Variants in TANGO2 observed in about 807,000 individuals in gnomAD.
TANGO2 encodes transport and Golgi organization protein 2 homolog.
TANGO2 carries 26 observed loss-of-function variants against 39.1 expected under a neutral mutation model. That is an observed-to-expected ratio of 0.67 (90% CI 0.49 to 0.92). TANGO2 has a LOEUF of 0.92. TANGO2 is among the 40% of genes least tolerant of loss of function. The pLI is 0.00. For synonymous variants in TANGO2, 131 were observed against 144.5 expected, an observed-to-expected ratio of 0.91 and a Z score of 0.67; for missense variants, 326 against 360.1, an observed-to-expected ratio of 0.91 and a Z score of 0.77.
At chr22:20,037,165 G>T in intron 2 of TANGO2, 2 of 1,467,024 alleles carry the variant, frequency 1.4e-6, no homozygotes, top group South Asian at 1.4e-5. Context: ...TCGGGCGGCA[G>T]AACTGGGACA....
chr22:20,029,220 C>G (rs1260183255), intron 1 of TANGO2, among the ~76,000 whole-genome samples: 1 of 152,186 alleles, frequency 6.6e-6, no homozygotes, highest in Non-Finnish European at 1.5e-5. Context: ...GTTGGTTTCT[C>G]TGAGAAGCCA....
At chr22:20,052,089 G>T (rs977123421) in intron 3 of TANGO2, among the ~76,000 whole-genome samples, 4 of 152,228 alleles carry the variant, frequency 2.6e-5, no homozygotes, top group Non-Finnish European at 5.9e-5. Context: ...GGTGCATCCT[G>T]CTGGGTGAGG....
Position 20,032,258 on chromosome 22 carries a change from A to G in TANGO2, c.-39-4502A>G, listed in dbSNP as rs564354050. 6.6e-5 allele frequency among the ~76,000 whole-genome samples: 10 copies of G among 152,374 alleles called. 1 individual carries two copies. In the South Asian group the frequency reaches 2.1e-3, roughly 32 times the overall value. On this transcript the variant is annotated intron_variant, in intron 1 of 8. Transcript: ENST00000327374. ...GCCAGTTGACAGAATGGAGAGGGGTAAGCATTTTCCGCCTGGAGAGGATGG... is the reference window on the plus strand; with the variant it reads ...GCCAGTTGACAGAATGGAGAGGGGTGAGCATTTTCCGCCTGGAGAGGATGG...
intron 1 of TANGO2, among the ~76,000 whole-genome samples, chr22:20,027,162 C>T (rs943385614): frequency 6.6e-6 from 1 of 152,110 alleles, no homozygotes; most frequent in Non-Finnish European, 1.5e-5. Flanking sequence ...AGGTGCCACA[C>T]ACTTAAAACC....
intron 6 of TANGO2, chr22:20,058,418 A>T (rs1053989034): frequency 1.3e-5 from 2 of 152,226 alleles, no homozygotes; most frequent in African/African-American, 4.8e-5. Context: ...CAAGGCGGGC[A>T]GATCACGAGG....
chr22:20,043,533 C>T, intron 3 of TANGO2, 90 bp downstream of exon 3: 1 of 891,902 alleles, frequency 1.1e-6, no homozygotes, highest in South Asian at 1.6e-5. Flanking sequence ...AGTGGTGCTG[C>T]TTCCAAGTGT....
chr22:20,063,449 C>CA lies in TANGO2; in HGVS notation c.710+8dup, dbSNP rs1470620391. The CA allele has an allele frequency of 2.1e-5, 33 of 1,609,714 alleles. 1 individual carries two copies. Among genetic ancestry groups the CA allele is most frequent in the African/African-American group, 2.7e-5 (2 of 74,866 alleles). On this transcript the variant is annotated splice_region_variant and intron_variant, in intron 8 of 8. Coordinates refer to ENST00000327374, the MANE Select transcript of TANGO2 (RefSeq NM_152906.7). The stretch of plus-strand genomic sequence containing the variant: ...GCCCTGGCTACGGCACCAGGTATTG[C>CA]AGCACCGTGGGTGCGCCACCTCCTA...
At chr22:20,063,825 GTC>G (rs1449217011) in intron 8 of TANGO2, among the ~76,000 whole-genome samples, 2 of 152,250 alleles carry the variant, frequency 1.3e-5, no homozygotes, top group Non-Finnish European at 2.9e-5. Context: ...GGTGCAGGGT[GTC>G]ATTTCCTTCA....
intron 2 of TANGO2, among the ~76,000 whole-genome samples, chr22:20,041,383 G>C (rs1452067362): frequency 6.7e-6 from 1 of 149,644 alleles, no homozygotes; most frequent in African/African-American, 2.5e-5. Context: ...CATGATCTCG[G>C]CTCACTGCAA....
chr22:20,024,140 C>T (rs2040273787), intron 1 of TANGO2, among the ~76,000 whole-genome samples: 1 of 152,158 alleles, frequency 6.6e-6, no homozygotes, highest in Non-Finnish European at 1.5e-5. Flanking sequence ...TGAGAGAGGT[C>T]ACCCTCTCCA....
At chr22:20,055,811 G>A (rs559468294) in intron 5 of TANGO2, 132 bp from the exon 6 acceptor site, 9 of 762,154 alleles carry the variant, frequency 1.2e-5, no homozygotes, top group Non-Finnish European at 1.8e-5. Context: ...GGTCCTGCAA[G>A]CTCCTGACCT....
At chr22:20,041,312 AT>A (rs695364) in intron 2 of TANGO2, among the ~76,000 whole-genome samples, 8,336 of 134,462 alleles carry the variant, frequency 0.062, 237 homozygotes, top group South Asian at 0.095. Context: ...CACCCGGCTA[AT>A]TTTTTTTTTT....
At chr22:20,025,556 G>C (rs1054967802) in intron 1 of TANGO2, among the ~76,000 whole-genome samples, 2 of 152,040 alleles carry the variant, frequency 1.3e-5, no homozygotes, top group African/African-American at 2.4e-5. Context: ...TATCTCCCTC[G>C]TGTCCCCCAG....
intron 3 of TANGO2, among the ~76,000 whole-genome samples, chr22:20,045,470 T>C (rs921913694): frequency 2.0e-5 from 3 of 150,836 alleles, no homozygotes; most frequent in Non-Finnish European, 3.0e-5. Flanking sequence ...ATCAAAATCA[T>C]TAAATTCATA....
chr22:20,025,814 G>A (rs946596492), intron 1 of TANGO2, among the ~76,000 whole-genome samples: 2 of 152,212 alleles, frequency 1.3e-5, no homozygotes, highest in Admixed American at 1.3e-4. Flanking sequence ...GGGGCATGGC[G>A]TGATCTAGGC....
intron 2 of TANGO2, among the ~76,000 whole-genome samples, chr22:20,038,036 C>T (rs1378251521): frequency 6.6e-6 from 1 of 152,100 alleles, no homozygotes; most frequent in East Asian, 1.9e-4. Flanking sequence ...TTGCAGTGAG[C>T]CGAGATTGCG....
At chr22:20,032,680 A>G (rs2146960439) in intron 1 of TANGO2, among the ~76,000 whole-genome samples, 1 of 152,358 alleles carries the variant, frequency 6.6e-6, no homozygotes, top group South Asian at 2.1e-4. Flanking sequence ...AAAGCCAGGC[A>G]CGATTCTCCC....
At chr22:20,052,443 G>T (rs367921685) in intron 3 of TANGO2, 22 bp from the exon 4 acceptor site, 71 of 1,584,932 alleles carry the variant, frequency 4.5e-5, no homozygotes, top group Non-Finnish European at 5.3e-5. Flanking sequence ...ATCAATGGTG[G>T]TAACACTGTC....
At chr22:20,047,224 G>GT (rs1241057513) in intron 3 of TANGO2, among the ~76,000 whole-genome samples, 5 of 145,732 alleles carry the variant, frequency 3.4e-5, no homozygotes, top group African/African-American at 1.3e-4. Context: ...CAGTTTTTTG[G>GT]TTTGTTTGTT....
Sources: gnomAD v4.1 joint callset for allele counts (sites outside exome capture counted in the v4.1 genomes callset) on GRCh38, gnomAD v4.1.1 for gene constraint, MANE v1.5 for transcripts, NCBI Gene and HGNC (gene_info 2026-07-23, HGNC 2026-07-21) for gene names.